NPHS2: variants seen among roughly 807,000 people sequenced by gnomAD.
NPHS2 encodes NPHS2 stomatin family member, podocin, also known as podocin.
In NPHS2, 36 loss-of-function variants were observed where a neutral mutation model predicts 37.1. The ratio of observed to expected loss-of-function variants is 0.97; its 90% CI spans 0.74 to 1.28. The LOEUF is 1.28. Ranked by LOEUF, NPHS2 falls within the 50% of genes most tolerant of loss-of-function variation. NPHS2 has a pLI of 0.00. For missense variants in NPHS2, 447 were observed against 488.1 expected (o/e 0.92, Z 0.79); for synonymous variants, 196 against 189.3 (o/e 1.04, Z -0.29).
intron 5 of NPHS2, chr1:179,554,776 C>G (rs1673819388): frequency 1.7e-6 from 1 of 580,674 alleles, no homozygotes; most frequent in South Asian, 2.1e-5. Context: ...AAAGATATCC[C>G]ATGTCCTAAT....
At chr1:179,575,538 C>G in intron 1 of NPHS2, 53 bp downstream of exon 1, 1 of 1,596,712 alleles carries the variant, frequency 6.3e-7, no homozygotes, top group Non-Finnish European at 8.5e-7. Flanking sequence ...CCTTATCTGA[C>G]GCCCCTTAGT....
chr1:179,575,329 C>G (rs1181582654), intron 1 of NPHS2, among the ~76,000 whole-genome samples: 1 of 152,176 alleles, frequency 6.6e-6, no homozygotes, highest in African/African-American at 2.4e-5. Flanking sequence ...CGTCCCCAAC[C>G]TGTACCACAC....
chr1:179,571,224 T>A (rs146396739), intron 1 of NPHS2, among the ~76,000 whole-genome samples: 3,156 of 152,326 alleles, frequency 0.021, 52 homozygotes, highest in Non-Finnish European at 0.026. Flanking sequence ...GTCTTTAATG[T>A]TGGTGACCTA....
chr1:179,568,780 C>G (rs1674432789), intron 1 of NPHS2, among the ~76,000 whole-genome samples: 1 of 152,186 alleles, frequency 6.6e-6, no homozygotes, highest in Non-Finnish European at 1.5e-5. Flanking sequence ...CAAAGAACAT[C>G]TGTATTTCTG....
At chr1:179,554,648 A>T in intron 5 of NPHS2, 117 bp from the exon 6 acceptor site, 1 of 1,420,500 alleles carries the variant, frequency 7.0e-7, no homozygotes, top group Non-Finnish European at 9.9e-7. Flanking sequence ...AAAGGACATT[A>T]TTTGCCTGTT....
intron 2 of NPHS2, among the ~76,000 whole-genome samples, chr1:179,563,176 C>A (rs1182920027): frequency 1.3e-5 from 2 of 152,134 alleles, no homozygotes; most frequent in East Asian, 3.8e-4. Flanking sequence ...AATGGCTATC[C>A]TAACATCAGA....
chr1:179,558,631 A>G (rs532101105), intron 4 of NPHS2, among the ~76,000 whole-genome samples: 16 of 152,258 alleles, frequency 1.1e-4, no homozygotes, highest in Non-Finnish European at 1.9e-4. Flanking sequence ...CAGTAATTCT[A>G]TTCTTAATTT....
chr1:179,569,758 AT>A (rs1674482029), intron 1 of NPHS2, among the ~76,000 whole-genome samples: 1 of 152,048 alleles, frequency 6.6e-6, no homozygotes, highest in Non-Finnish European at 1.5e-5. Flanking sequence ...ATCTCTCAGC[AT>A]TTTGCTTGTC....
intron 4 of NPHS2, among the ~76,000 whole-genome samples, chr1:179,557,492 A>C (rs978823243): frequency 2.6e-5 from 4 of 152,212 alleles, no homozygotes; most frequent in African/African-American, 9.6e-5. Flanking sequence ...CATTCAGTTG[A>C]TTCCAAACCA....
chr1:179,553,393 T>G (rs1216068292), intron 6 of NPHS2, among the ~76,000 whole-genome samples: 1 of 152,254 alleles, frequency 6.6e-6, no homozygotes, highest in African/African-American at 2.4e-5. Flanking sequence ...AAATGTGGTA[T>G]AGCCTCACAA....
At chr1:179,555,048 T>C (rs1414556362) in intron 5 of NPHS2, among the ~76,000 whole-genome samples, 2 of 152,134 alleles carry the variant, frequency 1.3e-5, no homozygotes, top group Non-Finnish European at 2.9e-5. Flanking sequence ...CACCAGATGC[T>C]GGAAAAGGCA....
At chr1:179,569,855 A>T (rs946677770) in intron 1 of NPHS2, among the ~76,000 whole-genome samples, 2 of 152,234 alleles carry the variant, frequency 1.3e-5, no homozygotes, top group Non-Finnish European at 2.9e-5. Flanking sequence ...TTCTTTAAGA[A>T]TGTTGAATGT....
chr1:179,561,426 A>G, intron 2 of NPHS2, 65 bp from the exon 3 acceptor site: 2 of 1,234,486 alleles, frequency 1.6e-6, no homozygotes, highest in Non-Finnish European at 1.2e-6. Context: ...AGGCCTTGGC[A>G]TAAGAATGAT....
At chr1:179,551,624 T>G (rs919573715) in intron 7 of NPHS2, 173 bp from the exon 8 acceptor site, 42 of 689,480 alleles carry the variant, frequency 6.1e-5, no homozygotes, top group South Asian at 4.9e-4. Flanking sequence ...GGAGACAGAT[T>G]AAACTGTTAA....
rs892655239 is a variant in NPHS2 at position 179,575,540 on chromosome 1, C to T, written c.274+51G>A. The T allele has an allele frequency of 5.0e-6, 8 of 1,597,426 alleles. No homozygotes were observed. The African/African-American group carries it at 6.7e-5, about 13-fold the overall frequency. The stretch of plus-strand genomic sequence containing the variant: ...ATGACCCTTTCCACCTTATCTGACG[C>T]CCCTTAGTTACCACCTGGAAAAGTA... On this transcript the variant is annotated intron_variant, in intron 1 of 7. Coordinates refer to ENST00000367615, the MANE Select transcript of NPHS2 (RefSeq NM_014625.4).
At chr1:179,569,116 C>T (rs907769071) in intron 1 of NPHS2, among the ~76,000 whole-genome samples, 1 of 152,094 alleles carries the variant, frequency 6.6e-6, no homozygotes, top group African/African-American at 2.4e-5. Context: ...TGTTAACTTT[C>T]TGTGTCATTG....
intron 1 of NPHS2, among the ~76,000 whole-genome samples, chr1:179,574,329 T>G (rs1053065824): frequency 6.6e-6 from 1 of 152,228 alleles, no homozygotes; most frequent in African/African-American, 2.4e-5. Flanking sequence ...GGCATGTTAC[T>G]TAATTTCTCA....
At chr1:179,554,923 C>T (rs950512860) in intron 5 of NPHS2, among the ~76,000 whole-genome samples, 10 of 151,990 alleles carry the variant, frequency 6.6e-5, no homozygotes, top group African/African-American at 2.4e-4. Flanking sequence ...AAGAGGGAGG[C>T]AAATGGTGAT....
chr1:179,569,264 G>A (rs1674455000), intron 1 of NPHS2, among the ~76,000 whole-genome samples: 1 of 151,848 alleles, frequency 6.6e-6, no homozygotes, highest in South Asian at 2.1e-4. Flanking sequence ...ATTTAGGATA[G>A]TTAGCTCTTC....
Sources: gnomAD v4.1 joint callset for allele counts (sites outside exome capture counted in the v4.1 genomes callset) on GRCh38, gnomAD v4.1.1 for gene constraint, MANE v1.5 for transcripts, NCBI Gene and HGNC (gene_info 2026-07-23, HGNC 2026-07-21) for gene names.